PEX1: variants seen among roughly 807,000 people sequenced by gnomAD.
The protein encoded by PEX1 is peroxisomal biogenesis factor 1.
PEX1 carries 97 observed loss-of-function variants against 152.5 expected under a neutral mutation model. The observed-to-expected ratio is 0.64, with a 90% CI of 0.54 to 0.75. PEX1 has a LOEUF of 0.75. Among genes scored for constraint, PEX1 ranks in the 30% least tolerant of loss-of-function variants. The pLI is 0.00. For synonymous variants in PEX1, 485 were observed against 531.6 expected, an observed-to-expected ratio of 0.91 and a Z score of 1.21; for missense variants, 1,357 against 1,516.3, an observed-to-expected ratio of 0.89 and a Z score of 1.74.
At chr7:92,504,607 G>A in intron 12 of PEX1, 125 bp downstream of exon 12, 3 of 951,786 alleles carry the variant, frequency 3.2e-6, no homozygotes, top group Non-Finnish European at 4.8e-6. Context: ...TGCCATCAGG[G>A]GCCTCAAACA....
rs1791142253 is a variant in PEX1, at chr7:92,489,406, G to A, written c.3654C>T (p.Asn1218=). The change falls in exon 23 of 24, where the codon AAC becomes AAT. Residue 1218 remains asparagine, a synonymous_variant. Coordinates refer to ENST00000248633, the MANE Select transcript of PEX1 (RefSeq NM_000466.3). The part of the protein sequence containing the change: ...RSQSGEDESM[N]QPGPIKTRLA... ...GTCTGGTTTTGATTGGTCCTGGTTGGTTCATGGATTCGTCCTCCTTAAGTA... is the reference window on the plus strand; with the variant it reads ...GTCTGGTTTTGATTGGTCCTGGTTGATTCATGGATTCGTCCTCCTTAAGTA... 6.2e-7 allele frequency: 1 copy of A among 1,613,046 alleles called. No individual in the cohort carries two copies. Among genetic ancestry groups the A allele is most frequent in the Non-Finnish European group, 8.5e-7 (1 of 1,179,196 alleles).
In PEX1 at chr7:92,504,849, C is replaced by A. The variant is rs559310827; in HGVS notation, c.1954G>T (p.Val652Leu). The change falls in exon 12 of 24, where the codon GTG (valine) becomes TTG (leucine). Residue 652 changes from valine (V) to leucine (L), a missense_variant. Coordinates refer to ENST00000248633, the MANE Select transcript of PEX1 (RefSeq NM_000466.3). ...AGGACAACAGATGGCTGCATCCACA[C>A]TGCCTCTGAGAAAGCCACCTCTAGG... ...KTLEVAFSEA[V>L]WMQPSVVLLD... 1.2e-6 allele frequency: 2 copies of A among 1,614,000 alleles called. No individual in the cohort carries two copies. Among genetic ancestry groups the A allele is most frequent in the Non-Finnish European group, 1.7e-6 (2 of 1,179,860 alleles).
chr7:92,527,768 C>A (rs1477446361), intron 1 of PEX1, among the ~76,000 whole-genome samples: 1 of 152,238 alleles, frequency 6.6e-6, no homozygotes, highest in Non-Finnish European at 1.5e-5. Flanking sequence ...TTCAAGTGAT[C>A]TTAACTACGT....
At chr7:92,488,284 A>T (rs1791047585) in intron 23 of PEX1, among the ~76,000 whole-genome samples, 1 of 152,218 alleles carries the variant, frequency 6.6e-6, no homozygotes. Context: ...GCTTAACAGA[A>T]ATTTGTTTCC....
chr7:92,527,731 G>A lies in PEX1; in HGVS notation c.129+576C>T, dbSNP rs146854167. 1.5e-3 allele frequency among the ~76,000 whole-genome samples: 224 copies of A among 152,280 alleles called. 1 individual carries two copies. The highest frequency in any genetic ancestry group is 5.0e-3 in the African/African-American group (209 of 41,556). ...AACTGTGAAACATCCTAACCACAACGTCCAGAAGGGCGACTGATCGCAGAG... is the reference window on the plus strand; with the variant it reads ...AACTGTGAAACATCCTAACCACAACATCCAGAAGGGCGACTGATCGCAGAG... On this transcript the variant is annotated intron_variant, in intron 1 of 23. Transcript: ENST00000248633.
intron 2 of PEX1, 147 bp from the exon 3 acceptor site, chr7:92,519,225 C>G: frequency 1.6e-6 from 1 of 618,250 alleles, no homozygotes; most frequent in Non-Finnish European, 2.9e-6. Flanking sequence ...TCTATGTAAT[C>G]TTTCTTTTCT....
At position 92,510,975 on chromosome 7, in the gene PEX1, C is replaced by G. The variant is rs1219374190; in HGVS notation, c.1556G>C (p.Ser519Thr). 1 of 1,573,142 alleles carries G rather than the reference C, an allele frequency of 6.4e-7. No homozygotes were observed. The change falls in exon 8 of 24, where the codon AGT becomes ACT. Residue 519 changes from serine (S) to threonine (T), a missense_variant. Physicochemically the swap from Ser to Thr is moderately conservative, Grantham distance 58. Transcript: ENST00000248633. ...TGTAGTCTTCTGCAGCAAATTGGGACTCAACAGAAAAATATTTTTATCTTT... is the reference window on the plus strand; with the variant it reads ...TGTAGTCTTCTGCAGCAAATTGGGAGTCAACAGAAAAATATTTTTATCTTT... The part of the protein sequence containing the change: ...KEKDKNIFLL[S>T]PNLLQKTTIQ...
At chr7:92,517,153 CT>C in intron 5 of PEX1, 122 bp downstream of exon 5, 1 of 808,224 alleles carries the variant, frequency 1.2e-6, no homozygotes. Context: ...CCCCAAGTGC[CT>C]TTAGGCACTG....
intron 5 of PEX1, among the ~76,000 whole-genome samples, chr7:92,515,960 C>T (rs1792720646): frequency 6.7e-6 from 1 of 149,152 alleles, no homozygotes. Context: ...TGCCACTGCA[C>T]TCCAGCCTGG....
In PEX1 at chr7:92,489,364, T is replaced by C. The variant is rs2116039237; in HGVS notation, c.3696A>G (p.Ser1232=). The C allele has an allele frequency of 1.9e-6, 3 of 1,611,552 alleles. No homozygotes were observed. The highest frequency in any genetic ancestry group is 2.5e-6 in the Non-Finnish European group (3 of 1,177,718). ...PIKTRLAISQ[S]HLMTALGHTR... ...TGTGACCAAGTGCAGTCATTAAATGTGACTGACTAATAGCCAGTCTGGTTT... is the reference window on the plus strand; with the variant it reads ...TGTGACCAAGTGCAGTCATTAAATGCGACTGACTAATAGCCAGTCTGGTTT... The change falls in exon 23 of 24, where the codon TCA becomes TCG. Residue 1232 remains serine, a synonymous_variant. Transcript: ENST00000248633.
At chr7:92,526,184 G>A (rs1408333154) in intron 1 of PEX1, among the ~76,000 whole-genome samples, 1 of 152,144 alleles carries the variant, frequency 6.6e-6, no homozygotes, top group Non-Finnish European at 1.5e-5. Context: ...TATGATTCTA[G>A]GACAGTAGGT....
chr7:92,487,892 A>G (rs1284090680), intron 23 of PEX1, among the ~76,000 whole-genome samples: 1 of 152,192 alleles, frequency 6.6e-6, no homozygotes, highest in African/African-American at 2.4e-5. Context: ...GCAACACACA[A>G]TGTTAGTGAT....
At chr7:92,506,885 T>C (rs1343344375) in intron 10 of PEX1, 109 bp downstream of exon 10, 3 of 1,038,582 alleles carry the variant, frequency 2.9e-6, no homozygotes, top group Non-Finnish European at 4.5e-6. Flanking sequence ...AAACCCTATA[T>C]AATAGATGGT....
At chr7:92,502,168 T>C in intron 13 of PEX1, 89 bp from the exon 14 acceptor site, 2 of 965,362 alleles carry the variant, frequency 2.1e-6, no homozygotes, top group Admixed American at 4.0e-5. Context: ...GGTTGACAAA[T>C]CTATAGTGAC....
chr7:92,505,692 C>G (rs1011525696), intron 11 of PEX1, among the ~76,000 whole-genome samples: 7 of 152,086 alleles, frequency 4.6e-5, no homozygotes, highest in African/African-American at 1.7e-4. Flanking sequence ...TTACAAAGAA[C>G]AGGAAATACA....
rs981454738 is a variant in PEX1 at position 92,516,445 on chromosome 7, A to C, written c.1239+831T>G. On this transcript the variant is annotated intron_variant, in intron 5 of 23. Coordinates refer to ENST00000248633, the MANE Select transcript of PEX1 (RefSeq NM_000466.3). ...CCATCTTGTGGAAAAAAAAAATAGA[A>C]AAGAAAATGATGTAGGCCAAAGAGA... Among the ~76,000 whole-genome samples, 9 of 152,086 alleles carry C rather than the reference A, an allele frequency of 5.9e-5. 1 individual carries two copies. The highest frequency in any genetic ancestry group is 2.6e-4 in the Admixed American group (4 of 15,262).
At chr7:92,500,449 A>G (rs1791872725) in intron 15 of PEX1, among the ~76,000 whole-genome samples, 1 of 152,194 alleles carries the variant, frequency 6.6e-6, no homozygotes, top group South Asian at 2.1e-4. Context: ...CTCCAATCTG[A>G]AAGAAGCCCA....
At chr7:92,503,243 A>C (rs762762340) in intron 12 of PEX1, 48 bp from the exon 13 acceptor site, 3 of 1,524,898 alleles carry the variant, frequency 2.0e-6, no homozygotes, top group Non-Finnish European at 2.7e-6. Context: ...GTAAACATGA[A>C]ATTTAAAAAT....
intron 7 of PEX1, among the ~76,000 whole-genome samples, 165 bp from the exon 8 acceptor site, chr7:92,511,212 C>T (rs1040219668): frequency 6.6e-6 from 1 of 151,970 alleles, no homozygotes; most frequent in Non-Finnish European, 1.5e-5. Flanking sequence ...GGAACACAGA[C>T]CTCCTGGGCT....
Sources: gnomAD v4.1 joint callset for allele counts (sites outside exome capture counted in the v4.1 genomes callset) on GRCh38, gnomAD v4.1.1 for gene constraint, MANE v1.5 for transcripts, NCBI Gene and HGNC (gene_info 2026-07-23, HGNC 2026-07-21) for gene names.